Variants in UBE3C observed in about 807,000 individuals in gnomAD.
UBE3C encodes ubiquitin-protein ligase E3C.
In UBE3C, 42 loss-of-function variants were observed where a neutral mutation model predicts 129.4. The ratio of observed to expected loss-of-function variants is 0.32; its 90% CI spans 0.25 to 0.42. The LOEUF (loss-of-function observed/expected upper bound fraction) is 0.42, where lower values mean the gene tolerates loss of function less well. Ranked by LOEUF, UBE3C falls within the 10% of genes least tolerant of loss-of-function variation. The pLI is 1.00. For synonymous variants in UBE3C, 510 were observed against 492.4 expected (o/e 1.04, Z -0.47); for missense variants, 1,049 against 1,319.1 (o/e 0.80, Z 3.17).
chr7:157,253,891 T>C (rs79641264), intron 19 of UBE3C, 63 bp from the exon 20 acceptor site: 1 of 813,656 alleles, frequency 1.2e-6, no homozygotes, highest in East Asian at 4.2e-5. Flanking sequence ...TGTTTCTTGC[T>C]TTTTTTTTTA....
intron 10 of UBE3C, 31 bp from the exon 11 acceptor site, chr7:157,201,690 T>A (rs763630444): frequency 7.9e-7 from 1 of 1,269,464 alleles, no homozygotes; most frequent in Non-Finnish European, 1.1e-6. Flanking sequence ...ATTGCTTTAC[T>A]GTTCTGTGTT....
chr7:157,172,293 C>G (rs1018134158), intron 4 of UBE3C, among the ~76,000 whole-genome samples: 8 of 152,068 alleles, frequency 5.3e-5, no homozygotes, highest in African/African-American at 1.9e-4. Context: ...TTTGACATCC[C>G]AAAGTGCTGG....
Position 157,248,726 on chromosome 7 carries a change from T to C in UBE3C, c.2694+146T>C, listed in dbSNP as rs879089600. 3.2e-5 allele frequency: 27 copies of C among 846,562 alleles called. No homozygotes were observed. In the South Asian group the frequency reaches 3.4e-4, roughly 11 times the overall value. 52.4% of individuals were successfully genotyped at this position (846,562 alleles called of 1,614,324 possible). ...GCTGTGAGTTAGACGTCGAAGCATA[T>C]AGCTCCAAAGCACCTTAGCCCTGGC... On this transcript the variant is annotated intron_variant, in intron 19 of 22. Transcript: ENST00000348165.
chr7:157,186,754 T>C, intron 9 of UBE3C, 80 bp from the exon 10 acceptor site: 1 of 1,506,420 alleles, frequency 6.6e-7, no homozygotes, highest in South Asian at 1.2e-5. Context: ...AAGAAAAATG[T>C]GATTTCGTAT....
rs546559743 is a variant in UBE3C at position 157,159,705 on chromosome 7, T to TA, written c.67-4100dup. 2.5e-3 allele frequency among the ~76,000 whole-genome samples: 380 copies of TA among 152,274 alleles called. 2 individuals carry two copies. Among genetic ancestry groups the TA allele is most frequent in the Non-Finnish European group, 3.6e-3 (248 of 68,022 alleles). ...CAACATGGTGAAACCTTGTCTCTAC[T>TA]AAAAATACAGAAACAGCCGAGCGTG... On this transcript the variant is annotated intron_variant, in intron 1 of 22. Transcript: ENST00000348165.
intron 18 of UBE3C, 162 bp downstream of exon 18, chr7:157,231,489 A>G: frequency 9.8e-7 from 1 of 1,019,732 alleles, no homozygotes; most frequent in African/African-American, 1.6e-5. Flanking sequence ...GTATGGTTGT[A>G]AGTAGGTGCT....
chr7:157,182,237 A>T lies in UBE3C; in HGVS notation c.900A>T (p.Ala300=). ...TVFPYEPFLN[A]LLLIESRCSR... ...TCCCTTACGAGCCCTTTCTGAATGC[A>T]CTGTTGTTAATAGAGAGTAGATGTT... Residue 300 remains alanine (A), a synonymous_variant, in exon 8 of 23, where the codon GCA becomes GCT. Transcript: ENST00000348165. 3 of 1,614,238 alleles carry T rather than the reference A, an allele frequency of 1.9e-6. No individual in the cohort carries two copies. Among genetic ancestry groups the T allele is most frequent in the Non-Finnish European group, 2.5e-6 (3 of 1,180,040 alleles).
Position 157,207,488 on chromosome 7 carries a change from T to C in UBE3C, c.1509T>C (p.Phe503=). ...SSRIIPLFYL[F]SSLFSHSLIS... ...GAATCATCCCACTCTTTTATCTTTT[T>C]AGCTCCTTGTTTAGTCATTCACTAA... Residue 503 remains phenylalanine (F), a synonymous_variant, in exon 12 of 23, where the codon TTT becomes TTC. Coordinates refer to ENST00000348165, the MANE Select transcript of UBE3C (RefSeq NM_014671.3). The C allele has an allele frequency of 1.9e-6, 3 of 1,613,974 alleles. No individual in the cohort carries two copies. Among genetic ancestry groups the C allele is most frequent in the Non-Finnish European group, 2.5e-6 (3 of 1,179,996 alleles).
chr7:157,146,468 G>A (rs1372938115), intron 1 of UBE3C, among the ~76,000 whole-genome samples: 4 of 151,824 alleles, frequency 2.6e-5, no homozygotes, highest in South Asian at 2.1e-4. Flanking sequence ...TGATCTGCCC[G>A]CCTGGGCGTC....
In UBE3C at chr7:157,252,398, C is replaced by T. The variant is rs144359805; in HGVS notation, c.2695-1556C>T. Among the ~76,000 whole-genome samples the T allele has an allele frequency of 4.5e-3, 679 of 152,312 alleles. 3 individuals are homozygous for T. Among genetic ancestry groups the T allele is most frequent in the Non-Finnish European group, 6.9e-3 (468 of 68,018 alleles). On this transcript the variant is annotated intron_variant, in intron 19 of 22. Coordinates refer to ENST00000348165, the MANE Select transcript of UBE3C (RefSeq NM_014671.3). ...CAAGCAAAGGAATTAAGATAATGAA[C>T]ACAATCTTTAATCAGAATGAAGACA...
chr7:157,246,378 T>G (rs1796477531), intron 18 of UBE3C, among the ~76,000 whole-genome samples: 1 of 152,224 alleles, frequency 6.6e-6, no homozygotes, highest in Admixed American at 6.5e-5. Context: ...CCCGGCTCTC[T>G]GGAAGCTACT....
intron 13 of UBE3C, among the ~76,000 whole-genome samples, chr7:157,212,270 A>C (rs1180732663): frequency 2.0e-5 from 3 of 152,212 alleles, no homozygotes; most frequent in African/African-American, 7.2e-5. Flanking sequence ...CATTTAAGAT[A>C]AAAAAGATAC....
At chr7:157,254,379 A>T in intron 21 of UBE3C, 69 bp downstream of exon 21, 1 of 936,602 alleles carries the variant, frequency 1.1e-6, no homozygotes, top group Non-Finnish European at 1.4e-6. Context: ...AGTAATTTTT[A>T]TTTTATTTTA....
At chr7:157,242,486 T>TG (rs1796357150) in intron 18 of UBE3C, among the ~76,000 whole-genome samples, 3 of 148,398 alleles carry the variant, frequency 2.0e-5, no homozygotes, top group Non-Finnish European at 4.5e-5. Flanking sequence ...CTTGGTTATG[T>TG]GGGGTACCTT....
chr7:157,188,918 C>T, intron 10 of UBE3C: 1 of 650,878 alleles, frequency 1.5e-6, no homozygotes, highest in South Asian at 1.8e-5. Flanking sequence ...TAGGATTTGC[C>T]ATTTAATTTC....
intron 14 of UBE3C, among the ~76,000 whole-genome samples, chr7:157,218,771 G>A (rs1795655664): frequency 6.6e-6 from 1 of 152,158 alleles, no homozygotes; most frequent in African/African-American, 2.4e-5. Context: ...ATTGCAGGGT[G>A]GCTGGGGCTG....
At chr7:157,228,892 G>A (rs917159936) in intron 17 of UBE3C, among the ~76,000 whole-genome samples, 1 of 152,212 alleles carries the variant, frequency 6.6e-6, no homozygotes, top group African/African-American at 2.4e-5. Flanking sequence ...ACTGACACGT[G>A]TACATAGCAA....
At chr7:157,147,363 T>C (rs1220794104) in intron 1 of UBE3C, among the ~76,000 whole-genome samples, 1 of 152,240 alleles carries the variant, frequency 6.6e-6, no homozygotes, top group Non-Finnish European at 1.5e-5. Flanking sequence ...TTGACTTTCA[T>C]GTACTAACCT....
At chr7:157,182,473 G>A in intron 8 of UBE3C, 145 bp downstream of exon 8, 1 of 780,104 alleles carries the variant, frequency 1.3e-6, no homozygotes, top group Non-Finnish European at 2.0e-6. Context: ...TGTGGTCTGG[G>A]CAGTGTGTTC....
Sources: allele counts gnomAD v4.1 joint callset (sites outside exome capture counted in the v4.1 genomes callset), GRCh38; gene constraint gnomAD v4.1.1; transcripts MANE v1.5; gene names NCBI Gene and HGNC (gene_info 2026-07-23, HGNC 2026-07-21).